Variants in DNASE1 observed in about 807,000 individuals in gnomAD.
DNASE1 encodes deoxyribonuclease 1.
A neutral mutation model predicts 33.9 loss-of-function variants in DNASE1; 40 were observed. The observed-to-expected ratio is 1.18, with a 90% CI of 0.92 to 1.54. The LOEUF is 1.54. DNASE1 is among the 40% of genes most tolerant of loss of function. The probability of loss-of-function intolerance (pLI) is 0.00; values close to 1 mark genes in which losing one functional copy is unlikely to be tolerated. For synonymous variants in DNASE1, 216 were observed against 160.0 expected, an observed-to-expected ratio of 1.35 and a Z score of -2.64; for missense variants, 518 against 372.6, an observed-to-expected ratio of 1.39 and a Z score of -3.21.
chr16:3,653,830 A>AAAAAAAAAAAAAAC (rs2042430006), upstream of DNASE1: 1 of 146,398 alleles, frequency 6.8e-6, no homozygotes, highest in African/African-American at 2.6e-5. Context: ...AAAAAAAAAA[A>AAAAAAAAAAAAAAC]AAAAAAAAAA....
At chr16:3,651,786 A>G (rs1368968058), upstream of DNASE1, 2 of 152,482 alleles carry the variant, frequency 1.3e-5, no homozygotes, top group Admixed American at 6.5e-5. Context: ...ATGCATGTGT[A>G]TACACTGAGT....
chr16:3,634,090 G>C (rs1450777646), intron 1 of DNASE1, among the ~76,000 whole-genome samples: 1 of 150,312 alleles, frequency 6.7e-6, no homozygotes, highest in Non-Finnish European at 1.5e-5. Context: ...GATTACAGGC[G>C]TGAACCACCG....
At chr16:3,618,230 C>T (rs1241613683) in intron 1 of DNASE1, among the ~76,000 whole-genome samples, 2 of 149,598 alleles carry the variant, frequency 1.3e-5, no homozygotes, top group Admixed American at 6.7e-5. Context: ...CACTTCATGG[C>T]CAGTAGGACA....
chr16:3,657,487 G>T, intron 7 of DNASE1, 146 bp downstream of exon 7: 1 of 1,297,012 alleles, frequency 7.7e-7, no homozygotes. Flanking sequence ...AGAATAACAA[G>T]AGCCACGATT....
chr16:3,616,197 T>G (rs2041098279), intron 1 of DNASE1, among the ~76,000 whole-genome samples: 2 of 152,334 alleles, frequency 1.3e-5, no homozygotes, highest in South Asian at 4.1e-4. Context: ...CTCTATATGT[T>G]CTGCTAGACA....
At chr16:3,649,231 T>G (rs2042261801) in intron 1 of DNASE1, among the ~76,000 whole-genome samples, 1 of 152,228 alleles carries the variant, frequency 6.6e-6, no homozygotes, top group African/African-American at 2.4e-5. Flanking sequence ...CTTTCAGGTC[T>G]AGCATTCCTT....
chr16:3,652,603 G>A (rs2042372334), upstream of DNASE1: 1 of 152,226 alleles, frequency 6.6e-6, no homozygotes, highest in Non-Finnish European at 1.5e-5. Context: ...GTTTCCATCT[G>A]GTAGACGCCG....
chr16:3,664,494 G>C, exon 10 of DNASE1: 1 of 1,576,914 alleles, frequency 6.3e-7, no homozygotes, highest in Admixed American at 2.0e-5. Flanking sequence ...ACTTATTCCA[G>C]GCCCATGGGC....
intron 1 of DNASE1, among the ~76,000 whole-genome samples, chr16:3,631,843 T>A (rs1236868315): frequency 6.6e-6 from 1 of 152,214 alleles, no homozygotes; most frequent in East Asian, 1.9e-4. Flanking sequence ...AAATCTCTAA[T>A]TACCTGCATT....
At chr16:3,614,840 G>A (rs1199585677) in intron 1 of DNASE1, among the ~76,000 whole-genome samples, 1 of 152,184 alleles carries the variant, frequency 6.6e-6, no homozygotes, top group African/African-American at 2.4e-5. Flanking sequence ...AAGGATAATT[G>A]TAATGGTAGA....
chr16:3,618,157 AT>A (rs1156663515), intron 1 of DNASE1, among the ~76,000 whole-genome samples: 1 of 151,946 alleles, frequency 6.6e-6, no homozygotes, highest in Non-Finnish European at 1.5e-5. Context: ...CAACAAGCAC[AT>A]GAAAAGATGA....
At chr16:3,662,839 G>T, downstream of DNASE1, 4 of 1,596,300 alleles carry the variant, frequency 2.5e-6, no homozygotes, top group Non-Finnish European at 3.4e-6. Flanking sequence ...GCCTGTTAGG[G>T]ACACTGCGGC....
upstream of DNASE1, among the ~76,000 whole-genome samples, chr16:3,639,093 G>C (rs2041957692): frequency 6.6e-6 from 1 of 152,114 alleles, no homozygotes; most frequent in African/African-American, 2.4e-5. Flanking sequence ...ATGGTTATAG[G>C]TCATATTTTC....
intron 1 of DNASE1, among the ~76,000 whole-genome samples, chr16:3,624,608 A>C (rs1370629792): frequency 6.6e-6 from 1 of 152,200 alleles, no homozygotes; most frequent in African/African-American, 2.4e-5. Flanking sequence ...GAACATCTAG[A>C]CAGGCAAAGC....
intron 1 of DNASE1, among the ~76,000 whole-genome samples, chr16:3,620,459 C>T (rs2041267483): frequency 6.7e-6 from 1 of 149,706 alleles, no homozygotes; most frequent in South Asian, 2.1e-4. Context: ...TTCGAGGCTG[C>T]AGTGAGCTGT....
chr16:3,631,198 G>GT (rs1342272706), intron 1 of DNASE1, among the ~76,000 whole-genome samples: 1 of 151,152 alleles, frequency 6.6e-6, no homozygotes, highest in Non-Finnish European at 1.5e-5. Context: ...AATTTTTTGG[G>GT]TTTTTTTGTT....
downstream of DNASE1, chr16:3,662,204 G>A: frequency 6.5e-7 from 1 of 1,549,502 alleles, no homozygotes; most frequent in African/African-American, 1.4e-5. Context: ...TCTTACCAGG[G>A]GTGAAGGTCA....
chr16:3,662,940 G>T, downstream of DNASE1: 1 of 1,612,400 alleles, frequency 6.2e-7, no homozygotes, highest in Non-Finnish European at 8.5e-7. Context: ...GAGCTCCTCC[G>T]TCTCCTTCTC....
intron 1 of DNASE1, among the ~76,000 whole-genome samples, chr16:3,614,656 G>C (rs918032829): frequency 2.6e-5 from 4 of 152,202 alleles, no homozygotes; most frequent in Non-Finnish European, 5.9e-5. Context: ...ATAAAGGGGG[G>C]AGGCTGACTT....
Sources: gnomAD v4.1 joint callset for allele counts (sites outside exome capture counted in the v4.1 genomes callset) on GRCh38, gnomAD v4.1.1 for gene constraint, MANE v1.5 for transcripts, NCBI Gene and HGNC (gene_info 2026-07-23, HGNC 2026-07-21) for gene names.